ELP2: variants seen among roughly 807,000 people sequenced by gnomAD.
The protein encoded by ELP2 is elongator complex protein 2.
ELP2 carries 90 observed loss-of-function variants against 119.2 expected under a neutral mutation model. The ratio of observed to expected loss-of-function variants is 0.75; its 90% CI spans 0.64 to 0.90. The LOEUF is 0.90. Ranked by LOEUF, ELP2 falls within the 40% of genes least tolerant of loss-of-function variation. The probability of loss-of-function intolerance (pLI) is 0.00; values close to 1 mark genes in which losing one functional copy is unlikely to be tolerated. For missense variants in ELP2, 921 were observed against 967.8 expected (o/e 0.95, Z 0.64); for synonymous variants, 339 against 331.0 (o/e 1.02, Z -0.26).
At position 36,160,940 on chromosome 18, in the gene ELP2, ACG is replaced by A; in HGVS notation, c.1698_1699del (p.His566GlnfsTer3). ...TTCTTTTTAAATTTTAGATATGGGC[ACG>A]GTTATGAAATATTTTGTGTTACTTG... On this transcript the variant is annotated frameshift_variant, in exon 17 of 22. Coordinates refer to ENST00000358232, the MANE Select transcript of ELP2 (RefSeq NM_018255.4). LOFTEE classifies it high-confidence loss of function. The A allele has an allele frequency of 6.2e-7, 1 of 1,611,146 alleles. No individual in the cohort carries two copies. The highest frequency in any genetic ancestry group is 2.2e-5 in the East Asian group (1 of 44,834).
rs750477931 is a variant in ELP2, at chr18:36,145,028, T to C, written c.886T>C (p.Tyr296His). 3.7e-6 allele frequency: 6 copies of C among 1,612,624 alleles called. 2 individuals carry two copies. The South Asian group carries it at 6.6e-5, about 18-fold the overall frequency. ...TGCAGTTCACTGGCAACCTGTGTTT[T>C]ACAAAGGTAGGAAGAAAACCATACA... is the stretch of plus-strand genomic sequence containing the variant. ...VNAVHWQPVF[Y>H]KDGVLQQPVR... The change falls in exon 9 of 22, where the codon TAC becomes CAC. Residue 296 changes from tyrosine to histidine, a missense_variant. Tyr to His is a moderately conservative substitution (Grantham distance 83). Transcript: ENST00000358232.
chr18:36,170,419 C>T (rs1199304351), intron 20 of ELP2, among the ~76,000 whole-genome samples: 1 of 151,394 alleles, frequency 6.6e-6, no homozygotes, highest in East Asian at 2.0e-4. Context: ...TTAAGCGATT[C>T]TCCTGCCTCA....
At chr18:36,130,306 T>C (rs1485314699) in intron 1 of ELP2, among the ~76,000 whole-genome samples, 1 of 152,200 alleles carries the variant, frequency 6.6e-6, no homozygotes, top group East Asian at 1.9e-4. Context: ...CATGAGCTGC[T>C]AGTAACCTGT....
chr18:36,165,547 C>T (rs2144780369), intron 18 of ELP2, among the ~76,000 whole-genome samples: 1 of 152,324 alleles, frequency 6.6e-6, no homozygotes, highest in Admixed American at 6.5e-5. Context: ...TTTTCTTTTG[C>T]ATCACTAATC....
chr18:36,133,732 A>T (rs1046310518), intron 2 of ELP2, among the ~76,000 whole-genome samples: 55 of 46,320 alleles, frequency 1.2e-3, no homozygotes, highest in African/African-American at 2.2e-3. Context: ...TTATTTATTT[A>T]TTTATTTTTT....
At chr18:36,150,869 C>T (rs1243123513) in intron 11 of ELP2, among the ~76,000 whole-genome samples, 1 of 152,050 alleles carries the variant, frequency 6.6e-6, no homozygotes, top group African/African-American at 2.4e-5. Context: ...TCAAATATGC[C>T]AACTTTCATA....
At chr18:36,143,038 C>A in intron 8 of ELP2, 72 bp downstream of exon 8, 1 of 1,053,044 alleles carries the variant, frequency 9.5e-7, no homozygotes, top group Non-Finnish European at 1.4e-6. Context: ...TTTTCACCAC[C>A]CACCTATGTG....
At chr18:36,157,697 T>C (rs1292855408) in intron 13 of ELP2, among the ~76,000 whole-genome samples, 2 of 152,214 alleles carry the variant, frequency 1.3e-5, no homozygotes, top group African/African-American at 4.8e-5. Flanking sequence ...GCCAACTAAA[T>C]TTCCTGGAAT....
At chr18:36,140,677 A>G (rs1276069018) in intron 5 of ELP2, among the ~76,000 whole-genome samples, 1 of 152,226 alleles carries the variant, frequency 6.6e-6, no homozygotes, top group Non-Finnish European at 1.5e-5. Context: ...TAAACAAAAT[A>G]AAACATAAGG....
intron 21 of ELP2, among the ~76,000 whole-genome samples, chr18:36,173,711 G>C (rs867749384): frequency 1.2e-4 from 19 of 152,314 alleles, no homozygotes; most frequent in Middle Eastern, 3.4e-3. Context: ...GTCAGCAAAT[G>C]AAAGTGTAAT....
chr18:36,167,564 TA>T (rs887777166), intron 19 of ELP2, among the ~76,000 whole-genome samples: 5 of 152,230 alleles, frequency 3.3e-5, no homozygotes, highest in African/African-American at 9.6e-5. Context: ...AACTATTTTC[TA>T]GTTTTCTTAC....
chr18:36,136,953 T>C (rs1241466870), intron 3 of ELP2, among the ~76,000 whole-genome samples: 1 of 152,230 alleles, frequency 6.6e-6, no homozygotes, highest in Non-Finnish European at 1.5e-5. Flanking sequence ...CTATAACTGC[T>C]TAAAGATGTG....
chr18:36,136,389 T>C lies in ELP2; in HGVS notation c.288+12T>C. ...TAGAGGATAATCAGGTGAGTGGACATGTTTATAATCAAGAAATGACTTTTT... is the reference window on the plus strand; with the variant it reads ...TAGAGGATAATCAGGTGAGTGGACACGTTTATAATCAAGAAATGACTTTTT... On this transcript the variant is annotated intron_variant, in intron 3 of 21. Transcript: ENST00000358232. 1 of 1,591,610 alleles carries C rather than the reference T, an allele frequency of 6.3e-7. No individual in the cohort carries two copies. Among genetic ancestry groups the C allele is most frequent in the Non-Finnish European group, 8.6e-7 (1 of 1,159,488 alleles).
chr18:36,167,967 A>G (rs1177662136), intron 19 of ELP2, among the ~76,000 whole-genome samples: 1 of 152,212 alleles, frequency 6.6e-6, no homozygotes, highest in Non-Finnish European at 1.5e-5. Context: ...ATGAGCCACC[A>G]CACCCAGCCT....
chr18:36,170,055 T>C lies in ELP2; in HGVS notation c.2077-8T>C. ...AAGGCTTTACAGTGTGTGATCTGTC[T>C]GTATTAGGTGGTTGTCTGGGGTGAG... On this transcript the variant is annotated splice_polypyrimidine_tract_variant and splice_region_variant and intron_variant, in intron 19 of 21. Transcript: ENST00000358232. 6.2e-7 allele frequency: 1 copy of C among 1,614,184 alleles called. No individual in the cohort carries two copies. Among genetic ancestry groups the C allele is most frequent in the Non-Finnish European group, 8.5e-7 (1 of 1,180,004 alleles).
At chr18:36,164,432 T>C (rs1373365039) in intron 17 of ELP2, 43 bp from the exon 18 acceptor site, 1 of 1,545,662 alleles carries the variant, frequency 6.5e-7, no homozygotes, top group African/African-American at 1.4e-5. Context: ...CTCTTCAGTT[T>C]ATTTTTACTT....
At chr18:36,150,334 ACTC>A (rs2090356102) in intron 11 of ELP2, among the ~76,000 whole-genome samples, 1 of 152,060 alleles carries the variant, frequency 6.6e-6, no homozygotes, top group South Asian at 2.1e-4. Flanking sequence ...GGGAAAAGAA[ACTC>A]CTTGCTCAAG....
chr18:36,170,957 G>A (rs2091061293), intron 20 of ELP2, 90 bp from the exon 21 acceptor site: 1 of 901,114 alleles, frequency 1.1e-6, no homozygotes, highest in Admixed American at 1.9e-5. Flanking sequence ...AGGGACAGTT[G>A]GGACACTGTG....
chr18:36,136,541 C>G (rs1200919028), intron 3 of ELP2, 164 bp downstream of exon 3: 1 of 655,536 alleles, frequency 1.5e-6, no homozygotes, highest in Non-Finnish European at 2.8e-6. Flanking sequence ...CCATGCCTGG[C>G]TGATTTCTGT....
Sources: gnomAD v4.1 joint callset for allele counts (sites outside exome capture counted in the v4.1 genomes callset) on GRCh38, gnomAD v4.1.1 for gene constraint, MANE v1.5 for transcripts, NCBI Gene and HGNC (gene_info 2026-07-23, HGNC 2026-07-21) for gene names.